The following ERAP1 variants were observed in gnomAD, a reference collection of about 807,000 sequenced individuals.
ERAP1 encodes adipocyte-derived leucine aminopeptidase.
ERAP1 carries 86 observed loss-of-function variants against 103.7 expected under a neutral mutation model. The observed-to-expected ratio is 0.83, with a 90% CI of 0.70 to 0.99. The LOEUF (loss-of-function observed/expected upper bound fraction) is 0.99. ERAP1 is among the 50% of genes least tolerant of loss of function. ERAP1 has a pLI of 0.00. For synonymous variants in ERAP1, 398 were observed against 402.4 expected (o/e 0.99, Z 0.13); for missense variants, 1,009 against 1,128.4 (o/e 0.89, Z 1.52).
At chr5:96,829,659 C>A in the ERAP1 span, among the ~76,000 whole-genome samples, 1 of 152,062 alleles carries the variant, frequency 6.6e-6, no homozygotes, top group Non-Finnish European at 1.5e-5. Context: ...TTACAACATG[C>A]GGTTTAGTTT....
chr5:96,895,509 A>G, the ERAP1 span: 1 of 647,974 alleles, frequency 1.5e-6, no homozygotes, highest in Non-Finnish European at 2.7e-6. Context: ...AACAGATCAC[A>G]GAACTGGATG....
rs183843130 is a variant in ERAP1, at chr5:96,789,213, G to A, written c.1525-528C>T. On this transcript the variant is annotated intron_variant, in intron 10 of 18. Transcript: ENST00000443439. Reference sequence around the variant, plus strand: ...ATTTAAGAAGTAGTAAAGGCTGGGCGCGGTGGCTCATGCCTGTAATCCTAG... The same window carrying A: ...ATTTAAGAAGTAGTAAAGGCTGGGCACGGTGGCTCATGCCTGTAATCCTAG... 2.5e-3 allele frequency among the ~76,000 whole-genome samples: 382 copies of A among 152,254 alleles called. 6 individuals carry two copies. Among genetic ancestry groups the A allele is most frequent in the Admixed American group, 0.022 (335 of 15,300 alleles).
At chr5:96,903,245 T>C in the ERAP1 span, 1 of 650,162 alleles carries the variant, frequency 1.5e-6, no homozygotes, top group Non-Finnish European at 2.5e-6. Flanking sequence ...CGAAAATGAA[T>C]ATCATTATGA....
the ERAP1 span, among the ~76,000 whole-genome samples, chr5:96,877,643 A>G: frequency 6.6e-6 from 1 of 152,224 alleles, no homozygotes; most frequent in African/African-American, 2.4e-5. Flanking sequence ...AACTTTGCCC[A>G]TGATCACGTA....
chr5:96,915,516 C>T, the ERAP1 span, among the ~76,000 whole-genome samples: 2 of 152,170 alleles, frequency 1.3e-5, no homozygotes, highest in Admixed American at 1.3e-4. Flanking sequence ...TGATAAGTTT[C>T]ACAGCTTTAG....
the ERAP1 span, among the ~76,000 whole-genome samples, chr5:96,858,747 C>T: frequency 7.2e-5 from 11 of 152,202 alleles, no homozygotes; most frequent in South Asian, 2.3e-3. Context: ...GAGAAGTCCC[C>T]AGGTTAGATT....
exon 20 of ERAP1, chr5:96,761,619 T>C (rs915466179): frequency 6.6e-6 from 1 of 152,310 alleles, no homozygotes; most frequent in Non-Finnish European, 1.5e-5. Flanking sequence ...TCAACAGTTA[T>C]ACCTAAGTTT....
At chr5:96,873,469 G>A in the ERAP1 span, 3 of 454,392 alleles carry the variant, frequency 6.6e-6, no homozygotes, top group Non-Finnish European at 1.3e-5. Context: ...GACTGGAAAG[G>A]AAGCATGTGT....
chr5:96,916,780 A>T, the ERAP1 span, among the ~76,000 whole-genome samples: 237 of 121,106 alleles, frequency 2.0e-3, 1 homozygote, highest in Non-Finnish European at 3.2e-3. Flanking sequence ...TTTTTTTTTT[A>T]AAGCATTATA....
At chr5:96,818,922 A>G in the ERAP1 span, among the ~76,000 whole-genome samples, 1 of 150,666 alleles carries the variant, frequency 6.6e-6, no homozygotes, top group Non-Finnish European at 1.5e-5. Flanking sequence ...TTATTTATTT[A>G]TTTATTTATT....
chr5:96,783,197 C>T lies in ERAP1; in HGVS notation c.2139G>A (p.Lys713=), dbSNP rs1775469123. ...CTGAGCCCTCGTCTGTCCATGTCTG[C>T]TTATCAATGAGGTCCCTTAGCAGCC... is the stretch of plus-strand genomic sequence containing the variant. ...LIRLLRDLID[K]QTWTDEGSVS... Residue 713 remains lysine, a synonymous_variant, in exon 15 of 19, where the codon AAG becomes AAA. Transcript: ENST00000443439. 1.9e-6 allele frequency: 3 copies of T among 1,612,824 alleles called. No homozygotes were observed. In the African/African-American group the frequency reaches 4.0e-5, roughly 22 times the overall value.
intron 15 of ERAP1, among the ~76,000 whole-genome samples, chr5:96,782,148 C>T (rs1306319701): frequency 6.6e-6 from 1 of 151,656 alleles, no homozygotes; most frequent in African/African-American, 2.4e-5. Context: ...GTAGCTGGGA[C>T]TACAGGCGCC....
chr5:96,763,072 G>T (rs1768559757), exon 20 of ERAP1: 4 of 768,800 alleles, frequency 5.2e-6, no homozygotes, highest in Non-Finnish European at 2.4e-6. Context: ...CATCTCCTTT[G>T]GTTGAGAACA....
At chr5:96,905,944 A>ATTTTT in the ERAP1 span, among the ~76,000 whole-genome samples, 1 of 139,602 alleles carries the variant, frequency 7.2e-6, no homozygotes. Context: ...TTTCTTTTTA[A>ATTTTT]TTTTTTTTTT....
chr5:96,877,653 A>C, the ERAP1 span, among the ~76,000 whole-genome samples: 1 of 152,188 alleles, frequency 6.6e-6, no homozygotes, highest in East Asian at 1.9e-4. Context: ...ATGATCACGT[A>C]GGTGAGGTTG....
the ERAP1 span, among the ~76,000 whole-genome samples, chr5:96,839,693 A>T: frequency 6.6e-6 from 1 of 152,214 alleles, no homozygotes; most frequent in Non-Finnish European, 1.5e-5. Context: ...CTCAGAGGGA[A>T]GGAGCAAACA....
chr5:96,871,082 G>A, the ERAP1 span, among the ~76,000 whole-genome samples: 2 of 152,156 alleles, frequency 1.3e-5, no homozygotes, highest in Non-Finnish European at 2.9e-5. Flanking sequence ...CACACCGTTC[G>A]TCTCTTTCTG....
chr5:96,823,053 G>T, the ERAP1 span: 28,027 of 456,154 alleles, frequency 0.061, 1,141 homozygotes, highest in South Asian at 0.11. Context: ...TTGACTGGAG[G>T]CCGCCCTCAT....
At chr5:96,814,005 G>C in the ERAP1 span, 2 of 235,724 alleles carry the variant, frequency 8.5e-6, no homozygotes, top group Non-Finnish European at 1.7e-5. Flanking sequence ...ATCTATTATT[G>C]TGTATCAATA....
Sources: gnomAD v4.1 joint callset for allele counts (sites outside exome capture counted in the v4.1 genomes callset) on GRCh38, gnomAD v4.1.1 for gene constraint, MANE v1.5 for transcripts, NCBI Gene and HGNC (gene_info 2026-07-23, HGNC 2026-07-21) for gene names.